The following FMNL3 variants were observed in gnomAD, a reference collection of about 807,000 sequenced individuals.
FMNL3 encodes formin-like protein 3.
FMNL3 carries 57 observed loss-of-function variants against 119.6 expected under a neutral mutation model. The observed-to-expected ratio is 0.48, with a 90% CI of 0.39 to 0.59. The LOEUF (loss-of-function observed/expected upper bound fraction) is 0.59, where lower values mean the gene tolerates loss of function less well. Among genes scored for constraint, FMNL3 ranks in the 20% least tolerant of loss-of-function variants. The probability of loss-of-function intolerance (pLI) is 0.00; values close to 1 mark genes in which losing one functional copy is unlikely to be tolerated. For synonymous variants in FMNL3, 491 were observed against 507.3 expected, an observed-to-expected ratio of 0.97 and a Z score of 0.43; for missense variants, 1,053 against 1,323.5, an observed-to-expected ratio of 0.80 and a Z score of 3.17.
intron 1 of FMNL3, among the ~76,000 whole-genome samples, chr12:49,699,731 T>C (rs1332142464): frequency 6.6e-6 from 1 of 152,196 alleles, no homozygotes; most frequent in East Asian, 1.9e-4. Context: ...CATATGTATA[T>C]AATAAATCCC....
At chr12:49,676,520 GTTTTTTTTT>G (rs58117011) in intron 1 of FMNL3, among the ~76,000 whole-genome samples, 2 of 102,996 alleles carry the variant, frequency 1.9e-5, no homozygotes, top group East Asian at 3.1e-4. Flanking sequence ...TTCATAGTGG[GTTTTTTTTT>G]TTTTTTTTTT....
At chr12:49,703,311 G>C (rs891057025) in intron 1 of FMNL3, among the ~76,000 whole-genome samples, 4 of 152,198 alleles carry the variant, frequency 2.6e-5, no homozygotes, top group Admixed American at 2.0e-4. Flanking sequence ...AGTTTGGGTA[G>C]TAATCTAGTT....
intron 1 of FMNL3, among the ~76,000 whole-genome samples, chr12:49,683,867 C>T (rs570597718): frequency 1.4e-4 from 21 of 152,302 alleles, no homozygotes; most frequent in African/African-American, 4.8e-4. Context: ...ACACATCATG[C>T]TGTCTCAATT....
rs1031960354 is a variant in FMNL3, at chr12:49,654,948, C to T, written c.922G>A (p.Glu308Lys). The change falls in exon 10 of 26, where the codon GAG (glutamate) becomes AAG (lysine). Residue 308 changes from glutamate to lysine, a missense_variant. Transcript: ENST00000335154. ...KELHRFEKLM[E>K]YFRNEDSNID... ...TTGCTGTCCTCATTCCGGAAATACTCCATCAGCTTCTCAAAGCGGTGCAGC... is the reference window on the plus strand; with the variant it reads ...TTGCTGTCCTCATTCCGGAAATACTTCATCAGCTTCTCAAAGCGGTGCAGC... 3 of 1,614,032 alleles carry T rather than the reference C, an allele frequency of 1.9e-6. No individual in the cohort carries two copies. The highest frequency in any genetic ancestry group is 2.7e-5 in the African/African-American group (2 of 74,922).
At chr12:49,666,017 C>T in intron 3 of FMNL3, 109 bp from the exon 4 acceptor site, 2 of 1,534,820 alleles carry the variant, frequency 1.3e-6, no homozygotes, top group Non-Finnish European at 1.8e-6. Flanking sequence ...TGAAATCCAA[C>T]TCCCAATGCT....
chr12:49,661,803 G>T, intron 5 of FMNL3, 163 bp downstream of exon 5: 1 of 656,284 alleles, frequency 1.5e-6, no homozygotes, highest in Non-Finnish European at 2.7e-6. Context: ...GACATCTCCG[G>T]GCTTGCCTGC....
intron 1 of FMNL3, among the ~76,000 whole-genome samples, chr12:49,682,025 C>T (rs1249796260): frequency 6.6e-6 from 1 of 151,448 alleles, no homozygotes; most frequent in African/African-American, 2.4e-5. Flanking sequence ...ACATTTGACT[C>T]AAGTTAGCTT....
intron 4 of FMNL3, among the ~76,000 whole-genome samples, chr12:49,664,475 G>A (rs574321002): frequency 6.6e-6 from 1 of 152,302 alleles, no homozygotes. Context: ...GGAATGCGGA[G>A]TGGTAGGGGG....
Position 49,652,363 on chromosome 12 carries a change from G to C in FMNL3, c.1324-151C>G. The stretch of plus-strand genomic sequence containing the variant: ...GTGGCAGAAACCCAGGTGGGGGAAT[G>C]AGGAAGCTGGAAGGCAGCAAAACAA... On this transcript the variant is annotated intron_variant, in intron 13 of 25. Coordinates refer to ENST00000335154, the MANE Select transcript of FMNL3 (RefSeq NM_175736.5). 3.6e-6 allele frequency: 5 copies of C among 1,397,536 alleles called. No individual in the cohort carries two copies. The South Asian group carries it at 7.6e-5, about 21-fold the overall frequency. 86.6% of individuals were successfully genotyped at this position (1,397,536 alleles called of 1,614,324 possible). A position where few individuals can be genotyped will look rare whatever the true frequency, so the allele number is the denominator to read the frequency against.
At chr12:49,661,206 C>T (rs1007365383) in intron 5 of FMNL3, among the ~76,000 whole-genome samples, 3 of 152,196 alleles carry the variant, frequency 2.0e-5, no homozygotes, top group Admixed American at 6.5e-5. Context: ...AGATCTGCTA[C>T]CACAATACAG....
chr12:49,694,828 C>T (rs1186187510), intron 1 of FMNL3, among the ~76,000 whole-genome samples: 3 of 151,960 alleles, frequency 2.0e-5, no homozygotes, highest in Non-Finnish European at 2.9e-5. Context: ...AGGAGAATTG[C>T]TTGAACCCAG....
chr12:49,653,948 T>G, intron 11 of FMNL3, 74 bp from the exon 12 acceptor site: 1 of 1,556,164 alleles, frequency 6.4e-7, no homozygotes, highest in Non-Finnish European at 8.7e-7. Context: ...GAGAAAGTCT[T>G]AGTCCTCATC....
At chr12:49,688,101 T>C in intron 1 of FMNL3, among the ~76,000 whole-genome samples, 1 of 152,202 alleles carries the variant, frequency 6.6e-6, no homozygotes, top group Non-Finnish European at 1.5e-5. Context: ...CATCAAATTA[T>C]AGGCTCAGGC....
chr12:49,678,456 T>G (rs1383671099), intron 1 of FMNL3, among the ~76,000 whole-genome samples: 1 of 151,910 alleles, frequency 6.6e-6, no homozygotes, highest in Non-Finnish European at 1.5e-5. Flanking sequence ...ACACTCGGCA[T>G]TATTTTTATT....
rs970618247 is a variant in FMNL3, at chr12:49,689,126, A to T, written c.126+17929T>A. ...AAGAAAGATCCTAACTCAAAAAATAATTTTTTTTAAAGGAAAGCAAGACAG... is the reference window on the plus strand; with the variant it reads ...AAGAAAGATCCTAACTCAAAAAATATTTTTTTTTAAAGGAAAGCAAGACAG... On this transcript the variant is annotated intron_variant, in intron 1 of 25. Transcript: ENST00000335154. 2.0e-5 allele frequency among the ~76,000 whole-genome samples: 3 copies of T among 152,070 alleles called. No homozygotes were observed. The East Asian group carries it at 5.8e-4, about 29-fold the overall frequency.
chr12:49,673,251 G>C (rs1005344454), intron 1 of FMNL3, among the ~76,000 whole-genome samples: 2 of 152,208 alleles, frequency 1.3e-5, no homozygotes, highest in Non-Finnish European at 2.9e-5. Flanking sequence ...CTGAGCCCCT[G>C]ACCGCAGGTC....
chr12:49,650,316 A>G (rs1943356555), intron 17 of FMNL3, among the ~76,000 whole-genome samples: 1 of 152,070 alleles, frequency 6.6e-6, no homozygotes, highest in South Asian at 2.1e-4. Flanking sequence ...ACTAACTCAT[A>G]TCTTTTCTTC....
chr12:49,686,872 C>T (rs1289945177), intron 1 of FMNL3, among the ~76,000 whole-genome samples: 1 of 152,134 alleles, frequency 6.6e-6, no homozygotes, highest in East Asian at 1.9e-4. Context: ...CAACCACAGG[C>T]TCTGACTGGG....
At position 49,637,405 on chromosome 12, in the gene FMNL3, C is replaced by T. The variant is rs1460493303; in HGVS notation, c.*8410G>A. The T allele has an allele frequency of 2.7e-5, 30 of 1,107,810 alleles. No homozygotes were observed. Among genetic ancestry groups the T allele is most frequent in the African/African-American group, 4.6e-5 (3 of 65,136 alleles). 68.6% of individuals were successfully genotyped at this position (1,107,810 alleles called of 1,614,324 possible). ...CTCTTCCTCTGCCATTCCCTCTCTT[C>T]CCCCTCAGTCTGTGGCTCTGCCTCC... is the stretch of plus-strand genomic sequence containing the variant. On this transcript the variant is annotated 3_prime_UTR_variant, in exon 26 of 26. Coordinates refer to ENST00000335154, the MANE Select transcript of FMNL3 (RefSeq NM_175736.5).
Sources: allele counts gnomAD v4.1 joint callset (sites outside exome capture counted in the v4.1 genomes callset), GRCh38; gene constraint gnomAD v4.1.1; transcripts MANE v1.5; gene names NCBI Gene and HGNC (gene_info 2026-07-23, HGNC 2026-07-21).